SUPT3H: variants seen among roughly 807,000 people sequenced by gnomAD.
SUPT3H encodes the protein transcription initiation protein SPT3 homolog.
A neutral mutation model predicts 44.3 loss-of-function variants in SUPT3H; 44 were observed. The ratio of observed to expected loss-of-function variants is 0.99; its 90% CI spans 0.78 to 1.28. SUPT3H has a LOEUF of 1.28. Among genes scored for constraint, SUPT3H ranks in the 50% most tolerant of loss-of-function variants. The pLI is 0.00. For synonymous variants in SUPT3H, 124 were observed against 125.6 expected, an observed-to-expected ratio of 0.99 and a Z score of 0.09; for missense variants, 380 against 387.1, an observed-to-expected ratio of 0.98 and a Z score of 0.15.
intron 2 of SUPT3H, among the ~76,000 whole-genome samples, chr6:45,258,082 CA>C (rs1321447000): frequency 2.0e-5 from 3 of 152,062 alleles, no homozygotes; most frequent in African/African-American, 2.4e-5. Context: ...AATTGTTAGC[CA>C]AAGATTCATT....
chr6:44,917,858 C>G (rs186642476), intron 10 of SUPT3H, among the ~76,000 whole-genome samples: 2 of 152,242 alleles, frequency 1.3e-5, no homozygotes, highest in African/African-American at 4.8e-5. Flanking sequence ...TAGAAAAAAA[C>G]CAGTTCTTTG....
intron 2 of SUPT3H, among the ~76,000 whole-genome samples, chr6:45,340,895 C>G (rs1395402349): frequency 6.6e-6 from 1 of 152,080 alleles, no homozygotes; most frequent in Non-Finnish European, 1.5e-5. Flanking sequence ...TTATCTGTAG[C>G]ATTCCTTATA....
At chr6:45,013,363 C>T (rs1313164382) in intron 5 of SUPT3H, among the ~76,000 whole-genome samples, 1 of 152,054 alleles carries the variant, frequency 6.6e-6, no homozygotes, top group African/African-American at 2.4e-5. Flanking sequence ...TAGGTATGAA[C>T]TTCCACACAC....
chr6:45,211,183 C>A (rs1764024173), intron 2 of SUPT3H, among the ~76,000 whole-genome samples: 1 of 151,976 alleles, frequency 6.6e-6, no homozygotes, highest in African/African-American at 2.4e-5. Flanking sequence ...AAGTTACAAG[C>A]AAATACTTAC....
intron 3 of SUPT3H, among the ~76,000 whole-genome samples, chr6:45,102,410 G>A (rs1282161687): frequency 6.6e-6 from 1 of 151,896 alleles, no homozygotes. Context: ...CAATATGGGG[G>A]AGAAAACATT....
intron 10 of SUPT3H, among the ~76,000 whole-genome samples, chr6:44,911,938 GAGTTA>G (rs1767113770): frequency 6.6e-6 from 1 of 152,156 alleles, no homozygotes; most frequent in Admixed American, 6.5e-5. Flanking sequence ...AGGCTTTGAT[GAGTTA>G]ATTTCCTTTC....
At chr6:45,147,820 T>C (rs1806322099) in intron 2 of SUPT3H, among the ~76,000 whole-genome samples, 1 of 150,378 alleles carries the variant, frequency 6.6e-6, no homozygotes, top group Non-Finnish European at 1.5e-5. Flanking sequence ...GGAATTTGAT[T>C]ATATTATGGT....
intron 10 of SUPT3H, among the ~76,000 whole-genome samples, chr6:44,900,372 T>C (rs1446798160): frequency 3.3e-5 from 5 of 152,212 alleles, no homozygotes; most frequent in African/African-American, 1.2e-4. Flanking sequence ...ACCAGGAGAT[T>C]ATATTCTGCG....
chr6:45,374,978 G>A (rs557727421), intron 1 of SUPT3H, among the ~76,000 whole-genome samples: 2 of 152,202 alleles, frequency 1.3e-5, no homozygotes, highest in Admixed American at 6.6e-5. Flanking sequence ...AGGCTGAGGC[G>A]GGTGGAGCAC....
chr6:44,886,920 A>T (rs1245353505), intron 10 of SUPT3H, among the ~76,000 whole-genome samples: 1 of 152,204 alleles, frequency 6.6e-6, no homozygotes, highest in East Asian at 1.9e-4. Context: ...AGGATGGAGG[A>T]AGATCTACCA....
chr6:45,077,656 A>G (rs1181702357), intron 3 of SUPT3H, among the ~76,000 whole-genome samples: 1 of 146,266 alleles, frequency 6.8e-6, no homozygotes. Flanking sequence ...AAGAAAAAAA[A>G]AAGTGTTCAT....
intron 2 of SUPT3H, among the ~76,000 whole-genome samples, chr6:45,225,994 C>T (rs1470819681): frequency 1.3e-5 from 2 of 152,154 alleles, no homozygotes; most frequent in East Asian, 1.9e-4. Flanking sequence ...AAAAATTAAC[C>T]TAAACACTGT....
intron 2 of SUPT3H, among the ~76,000 whole-genome samples, chr6:45,247,897 G>C (rs1377698057): frequency 6.6e-6 from 1 of 152,144 alleles, no homozygotes; most frequent in Non-Finnish European, 1.5e-5. Flanking sequence ...GAACAGAATA[G>C]AAGGTGCAGA....
intron 2 of SUPT3H, among the ~76,000 whole-genome samples, chr6:45,286,976 G>T (rs1473093124): frequency 1.3e-5 from 2 of 152,040 alleles, no homozygotes; most frequent in East Asian, 3.9e-4. Context: ...ATCATTCTCA[G>T]CAAACTATCA....
intron 2 of SUPT3H, among the ~76,000 whole-genome samples, chr6:45,357,383 A>T (rs1793425702): frequency 6.6e-6 from 1 of 151,764 alleles, no homozygotes; most frequent in African/African-American, 2.4e-5. Context: ...CAGGCTGGAG[A>T]ACAGTGGCAG....
At chr6:45,333,791 C>G (rs1174348963) in intron 2 of SUPT3H, among the ~76,000 whole-genome samples, 1 of 151,232 alleles carries the variant, frequency 6.6e-6, no homozygotes, top group Non-Finnish European at 1.5e-5. Flanking sequence ...TGCACTTCCT[C>G]TACTCTATAT....
intron 10 of SUPT3H, among the ~76,000 whole-genome samples, chr6:44,856,119 T>C (rs1406935044): frequency 2.0e-5 from 3 of 152,226 alleles, no homozygotes; most frequent in Non-Finnish European, 2.9e-5. Context: ...CATGGTTTGC[T>C]GAATAAGAAA....
chr6:45,328,274 C>T, intron 2 of SUPT3H: 2 of 1,358,850 alleles, frequency 1.5e-6, no homozygotes, highest in Non-Finnish European at 9.8e-7. Context: ...AGTAATAGTG[C>T]TTGCAAAAAA....
At chr6:45,185,446 G>T (rs191485704) in intron 2 of SUPT3H, among the ~76,000 whole-genome samples, 5,519 of 152,102 alleles carry the variant, frequency 0.036, 142 homozygotes, top group Middle Eastern at 0.058. Flanking sequence ...AGATTTTTTT[G>T]TCATACCCAA....
Sources: allele counts gnomAD v4.1 joint callset (sites outside exome capture counted in the v4.1 genomes callset), GRCh38; gene constraint gnomAD v4.1.1; transcripts MANE v1.5; gene names NCBI Gene and HGNC (gene_info 2026-07-23, HGNC 2026-07-21).